LMX1B: variants seen among roughly 807,000 people sequenced by gnomAD.
The protein encoded by LMX1B is LIM homeobox transcription factor 1 beta, also known as LIM homeobox transcription factor 1-beta.
LMX1B carries 12 observed loss-of-function variants against 51.4 expected under a neutral mutation model. The observed-to-expected ratio is 0.23, with a 90% confidence interval of 0.15 to 0.38. The LOEUF (loss-of-function observed/expected upper bound fraction) is 0.38, where lower values mean the gene tolerates loss of function less well. Among genes scored for constraint, LMX1B ranks in the 10% least tolerant of loss-of-function variants. The pLI is 1.00. For missense variants in LMX1B, 445 were observed against 571.1 expected, an observed-to-expected ratio of 0.78 and a Z score of 2.25; for synonymous variants, 237 against 235.4, an observed-to-expected ratio of 1.01 and a Z score of -0.06.
At chr9:126,623,888 TCCAC>T (rs1835467664) in intron 2 of LMX1B, among the ~76,000 whole-genome samples, 1 of 152,156 alleles carries the variant, frequency 6.6e-6, no homozygotes, top group Non-Finnish European at 1.5e-5. Flanking sequence ...TTCAGCGGCC[TCCAC>T]CCGCGCACCC....
chr9:126,652,540 T>A (rs1836040573), intron 2 of LMX1B, among the ~76,000 whole-genome samples: 1 of 152,210 alleles, frequency 6.6e-6, no homozygotes, highest in Non-Finnish European at 1.5e-5. Flanking sequence ...CCCATGGTCT[T>A]CGTGTGTGCA....
chr9:126,687,212 A>G (rs2029928192), intron 2 of LMX1B, among the ~76,000 whole-genome samples: 2 of 128,202 alleles, frequency 1.6e-5, no homozygotes, highest in Non-Finnish European at 3.3e-5. Context: ...GGGGATGATC[A>G]TTCCCTTTTT....
intron 2 of LMX1B, among the ~76,000 whole-genome samples, chr9:126,676,500 G>C (rs889012004): frequency 6.6e-6 from 1 of 152,216 alleles, no homozygotes; most frequent in Non-Finnish European, 1.5e-5. Flanking sequence ...CATGCCATGG[G>C]GCTTGGGACG....
chr9:126,621,300 GCC>G (rs1178785076), intron 2 of LMX1B, among the ~76,000 whole-genome samples: 1 of 152,228 alleles, frequency 6.6e-6, no homozygotes, highest in Non-Finnish European at 1.5e-5. Context: ...AGTTGGGGGT[GCC>G]CGAGGACCCA....
chr9:126,624,439 C>A (rs921581822), intron 2 of LMX1B, among the ~76,000 whole-genome samples: 1 of 152,198 alleles, frequency 6.6e-6, no homozygotes, highest in African/African-American at 2.4e-5. Context: ...TGGCCAAAAG[C>A]AGCAAGTTCG....
At chr9:126,681,642 T>C (rs1345430489) in intron 2 of LMX1B, among the ~76,000 whole-genome samples, 4 of 152,200 alleles carry the variant, frequency 2.6e-5, no homozygotes, top group Admixed American at 6.5e-5. Context: ...GGCTCACACC[T>C]GTAATTCCAA....
chr9:126,682,081 G>GCCTTTTTTTT (rs755608375), intron 2 of LMX1B, among the ~76,000 whole-genome samples: 1,640 of 80,928 alleles, frequency 0.02, 144 homozygotes, highest in African/African-American at 0.023. Flanking sequence ...GGTCCCCAGG[G>GCCTTTTTTTT]TCTTTTTTTT....
rs1835293885 is a variant in LMX1B, at chr9:126,615,826, C to G, written c.326+257C>G. ...TCCCGGAATCCTGCGCTGGGCCGGCCGAGGGATTTGGTGCCTGGGTCCTGG... is the reference window on the plus strand; with the variant it reads ...TCCCGGAATCCTGCGCTGGGCCGGCGGAGGGATTTGGTGCCTGGGTCCTGG... On this transcript the variant is annotated intron_variant, in intron 2 of 7. Coordinates refer to ENST00000373474, the MANE Select transcript of LMX1B (RefSeq NM_001174147.2). This position sits in a 1 kb window ranked among gnomAD's most constrained non-coding sequence, Gnocchi z 6.0. Among the ~76,000 whole-genome samples, 1 of 152,312 alleles carries G rather than the reference C, an allele frequency of 6.6e-6. No homozygotes were observed. Among genetic ancestry groups the G allele is most frequent in the Admixed American group, 6.5e-5 (1 of 15,302 alleles).
intron 2 of LMX1B, among the ~76,000 whole-genome samples, chr9:126,628,076 A>G (rs1161429605): frequency 6.6e-6 from 1 of 152,182 alleles, no homozygotes; most frequent in Non-Finnish European, 1.5e-5. Context: ...AATGCGGTCT[A>G]CTAAACTGGG....
At chr9:126,642,087 A>G (rs1335082001) in intron 2 of LMX1B, among the ~76,000 whole-genome samples, 1 of 152,000 alleles carries the variant, frequency 6.6e-6, no homozygotes, top group Non-Finnish European at 1.5e-5. Context: ...CGTGGCACCT[A>G]ATGCCAAGGC....
In LMX1B at chr9:126,677,713, G is replaced by T. The variant is rs1256823496; in HGVS notation, c.327-13123G>T. ...CTGAACTGGTTCCCGTGAGTGTAAC[G>T]TCTAGTAGGAGCGTCTGCCAGCTTC... is the stretch of plus-strand genomic sequence containing the variant. On this transcript the variant is annotated intron_variant, in intron 2 of 7. Coordinates refer to ENST00000373474, the MANE Select transcript of LMX1B (RefSeq NM_001174147.2). The surrounding 1 kb of genome is among the most constrained non-coding windows in gnomAD (Gnocchi z 5.0). Among the ~76,000 whole-genome samples, 1 of 152,190 alleles carries T rather than the reference G, an allele frequency of 6.6e-6. No individual in the cohort carries two copies. The highest frequency in any genetic ancestry group is 2.4e-5 in the African/African-American group (1 of 41,442).
chr9:126,623,059 A>T (rs892267641), intron 2 of LMX1B, among the ~76,000 whole-genome samples: 2 of 152,262 alleles, frequency 1.3e-5, no homozygotes, highest in African/African-American at 4.8e-5. Context: ...AGCCGAAGGC[A>T]GCCCCGTCTG....
intron 2 of LMX1B, among the ~76,000 whole-genome samples, chr9:126,624,379 T>G (rs1835479642): frequency 6.6e-6 from 1 of 152,230 alleles, no homozygotes; most frequent in Non-Finnish European, 1.5e-5. Flanking sequence ...CATTCCTTGT[T>G]GAGCACAGCC....
chr9:126,681,919 T>A (rs1836682105), intron 2 of LMX1B, among the ~76,000 whole-genome samples: 1 of 150,016 alleles, frequency 6.7e-6, no homozygotes, highest in Non-Finnish European at 1.5e-5. Context: ...AAAATAATAA[T>A]AATAAAATAA....
At chr9:126,682,418 C>T (rs1836693112) in intron 2 of LMX1B, among the ~76,000 whole-genome samples, 1 of 152,210 alleles carries the variant, frequency 6.6e-6, no homozygotes, top group Non-Finnish European at 1.5e-5. Flanking sequence ...ATTCGTCATA[C>T]TCTGTATGAA....
chr9:126,658,051 G>A lies in LMX1B; in HGVS notation c.327-32785G>A, dbSNP rs935892439. On this transcript the variant is annotated intron_variant, in intron 2 of 7. Coordinates refer to ENST00000373474, the MANE Select transcript of LMX1B (RefSeq NM_001174147.2). This position sits in a 1 kb window ranked among gnomAD's most constrained non-coding sequence, Gnocchi z 4.0. ...GTCCTTGCTTGGGGGAATAAGCAGT[G>A]GGATGGGGAGGTCTTAGAAGAGGGG... 2.6e-5 allele frequency among the ~76,000 whole-genome samples: 4 copies of A among 152,086 alleles called. No homozygotes were observed. Among genetic ancestry groups the A allele is most frequent in the Non-Finnish European group, 4.4e-5 (3 of 68,010 alleles).
At chr9:126,682,909 A>AAAAG (rs1352644239) in intron 2 of LMX1B, among the ~76,000 whole-genome samples, 3 of 150,494 alleles carry the variant, frequency 2.0e-5, no homozygotes, top group Non-Finnish European at 1.5e-5. Flanking sequence ...AAAAAAAAAA[A>AAAAG]AAAAAAGAAA....
In LMX1B at chr9:126,652,679, G is replaced by C. The variant is rs142966921; in HGVS notation, c.326+37110G>C. Among the ~76,000 whole-genome samples, 612 of 152,344 alleles carry C rather than the reference G, an allele frequency of 4.0e-3. 4 individuals are homozygous for C. Among genetic ancestry groups the C allele is most frequent in the African/African-American group, 0.014 (580 of 41,570 alleles). On this transcript the variant is annotated intron_variant, in intron 2 of 7. Coordinates refer to ENST00000373474, the MANE Select transcript of LMX1B (RefSeq NM_001174147.2). ...CAGGAGAAAGAAGGGACTCAGATCT[G>C]GGCCTGGACTGGACTGGGCACTGCT...
At position 126,641,352 on chromosome 9, in the gene LMX1B, C is replaced by G. The variant is rs1835805646; in HGVS notation, c.326+25783C>G. On this transcript the variant is annotated intron_variant, in intron 2 of 7. Coordinates refer to ENST00000373474, the MANE Select transcript of LMX1B (RefSeq NM_001174147.2). This position sits in a 1 kb window ranked among gnomAD's most constrained non-coding sequence, Gnocchi z 4.1. ...CTTGCAACCATCATCTCTCTGCATC[C>G]TCAGGAAGCATAGGTACCATCAGTA... The G allele has an allele frequency of 6.6e-6, 1 of 152,238 alleles. No homozygotes were observed. The highest frequency in any genetic ancestry group is 6.5e-5 in the Admixed American group (1 of 15,284). 9.4% of individuals were successfully genotyped at this position (152,238 alleles called of 1,614,324 possible).
Sources: allele counts gnomAD v4.1 joint callset (sites outside exome capture counted in the v4.1 genomes callset), GRCh38; gene constraint gnomAD v4.1.1; non-coding constraint Gnocchi (gnomAD v3.1); transcripts MANE v1.5; gene names NCBI Gene and HGNC (gene_info 2026-07-23, HGNC 2026-07-21).